Variants in EARS2 observed in about 807,000 individuals in gnomAD.
The protein encoded by EARS2 is nondiscriminating glutamyl-tRNA synthetase EARS2, mitochondrial.
In EARS2, 50 loss-of-function variants were observed where a neutral mutation model predicts 54.1. That is an observed-to-expected ratio of 0.92 (90% CI 0.74 to 1.17). The LOEUF (loss-of-function observed/expected upper bound fraction) is 1.17, where lower values mean the gene tolerates loss of function less well. Ranked by LOEUF, EARS2 falls within the 50% of genes most tolerant of loss-of-function variation. The probability of loss-of-function intolerance (pLI) is 0.00; values close to 1 mark genes in which losing one functional copy is unlikely to be tolerated. For missense variants in EARS2, 673 were observed against 675.0 expected (o/e 1.00, Z 0.03); for synonymous variants, 298 against 281.0 (o/e 1.06, Z -0.61).
intron 2 of EARS2, among the ~76,000 whole-genome samples, chr16:23,548,065 C>T (rs1231751407): frequency 4.0e-5 from 6 of 151,734 alleles, no homozygotes; most frequent in Non-Finnish European, 8.8e-5. Context: ...CCCGTCTCTA[C>T]TAAAAATACA....
Position 23,522,878 on chromosome 16 carries a change from G to GGACC in EARS2, c.*1489_*1492dup, listed in dbSNP as rs1567375832. On this transcript the variant is annotated 3_prime_UTR_variant, in exon 9 of 9. Coordinates refer to ENST00000449606, the MANE Select transcript of EARS2 (RefSeq NM_001083614.2). ...ATGTGAATGCTTGGCTGGAATTGAAGGACCAGCTTTCAAGATTGCACACTC... is the reference window on the plus strand; with the variant it reads ...ATGTGAATGCTTGGCTGGAATTGAAGGACCGACCAGCTTTCAAGATTGCACACTC... 6.6e-6 allele frequency: 1 copy of GGACC among 152,184 alleles called. No individual in the cohort carries two copies. The highest frequency in any genetic ancestry group is 1.5e-5 in the Non-Finnish European group (1 of 68,038). The allele number at this position is 152,184 out of a possible 1,614,324, so 9.4% of individuals were successfully genotyped here.
intron 1 of EARS2, 108 bp from the exon 2 acceptor site, chr16:23,552,412 C>T: frequency 7.9e-7 from 1 of 1,260,272 alleles, no homozygotes; most frequent in Non-Finnish European, 1.1e-6. Context: ...TTTAAAAGAC[C>T]AGCAGGACAC....
chr16:23,550,800 C>G (rs1329563431), intron 2 of EARS2: 1 of 152,140 alleles, frequency 6.6e-6, no homozygotes, highest in African/African-American at 2.4e-5. Context: ...TTAGAACACA[C>G]ATCTCAAAAT....
intron 3 of EARS2, among the ~76,000 whole-genome samples, chr16:23,541,663 A>G (rs1160227213): frequency 6.6e-6 from 1 of 151,756 alleles, no homozygotes; most frequent in Non-Finnish European, 1.5e-5. Context: ...TCAAGATTGG[A>G]AGAGAGTTCT....
chr16:23,529,689 G>A (rs1965290951), intron 6 of EARS2, 55 bp downstream of exon 6: 1 of 1,612,826 alleles, frequency 6.2e-7, no homozygotes, highest in East Asian at 2.2e-5. Context: ...AAGGCAGGAG[G>A]AATTGAGGCA....
chr16:23,555,525 T>C (rs1367156687), intron 1 of EARS2, among the ~76,000 whole-genome samples: 2 of 152,064 alleles, frequency 1.3e-5, no homozygotes, highest in Non-Finnish European at 2.9e-5. Context: ...ATCTAGTAAG[T>C]TACACATCTA....
chr16:23,550,460 C>T (rs1484085288), intron 2 of EARS2, among the ~76,000 whole-genome samples: 3 of 93,448 alleles, frequency 3.2e-5, no homozygotes, highest in Non-Finnish European at 3.9e-5. Context: ...TTTTTTGAGA[C>T]AGAGTCTCAC....
At chr16:23,533,415 T>C (rs761148511) in intron 4 of EARS2, among the ~76,000 whole-genome samples, 15 of 152,122 alleles carry the variant, frequency 9.9e-5, no homozygotes, top group Non-Finnish European at 2.2e-4. Flanking sequence ...GTGCTGGGAT[T>C]ACAGACATGA....
chr16:23,550,092 G>A lies in EARS2; in HGVS notation c.295+2057C>T, dbSNP rs1218889628. ...AATGAATTAGGAGCCAGGAGCGATG[G>A]TTCATGACCGTGATGCCAGCACTTT... is the stretch of plus-strand genomic sequence containing the variant. On this transcript the variant is annotated intron_variant, in intron 2 of 8. Coordinates refer to ENST00000449606, the MANE Select transcript of EARS2 (RefSeq NM_001083614.2). Among the ~76,000 whole-genome samples the A allele has an allele frequency of 3.9e-5, 6 of 152,268 alleles. No individual in the cohort carries two copies. The East Asian group carries it at 1.2e-3, about 29-fold the overall frequency.
chr16:23,555,132 A>G (rs766566207), intron 1 of EARS2, among the ~76,000 whole-genome samples: 2 of 152,170 alleles, frequency 1.3e-5, no homozygotes, highest in Non-Finnish European at 2.9e-5. Flanking sequence ...CATAAGACAG[A>G]TATTATTATT....
In EARS2 at chr16:23,529,914, G is replaced by C; in HGVS notation, c.1068-17C>G. The C allele has an allele frequency of 6.2e-7, 1 of 1,613,316 alleles. No homozygotes were observed. Among genetic ancestry groups the C allele is most frequent in the Middle Eastern group, 1.7e-4 (1 of 6,004 alleles). On this transcript the variant is annotated splice_polypyrimidine_tract_variant and intron_variant, in intron 5 of 8. Coordinates refer to ENST00000449606, the MANE Select transcript of EARS2 (RefSeq NM_001083614.2). ...AGGTGCAGTCTGCGGAAGAAATCAA[G>C]GGGCTGCCCTGCTGTCAACACCCCA... is the stretch of plus-strand genomic sequence containing the variant.
intron 3 of EARS2, chr16:23,537,644 C>A (rs1965443148): frequency 6.6e-6 from 1 of 152,232 alleles, no homozygotes; most frequent in Non-Finnish European, 1.5e-5. Flanking sequence ...GCAATCATGG[C>A]TCACTGCAGT....
rs1021686238 is a variant in EARS2 at position 23,548,126 on chromosome 16, C to A, written c.296-3423G>T. On this transcript the variant is annotated intron_variant, in intron 2 of 8. Coordinates refer to ENST00000449606, the MANE Select transcript of EARS2 (RefSeq NM_001083614.2). ...GCAGACACTTGTAGTTCCAGCTACT[C>A]GGGAGGCTGAGGCGGGAGAATGGCA... Among the ~76,000 whole-genome samples, 10 of 151,472 alleles carry A rather than the reference C, an allele frequency of 6.6e-5. No homozygotes were observed. The South Asian group carries it at 2.1e-3, about 32-fold the overall frequency.
chr16:23,534,446 A>G (rs955071296), intron 4 of EARS2, among the ~76,000 whole-genome samples: 2 of 152,240 alleles, frequency 1.3e-5, no homozygotes, highest in African/African-American at 4.8e-5. Context: ...GAAGAAGGAA[A>G]AAAAGAAACT....
intron 1 of EARS2, chr16:23,553,121 A>G: frequency 3.9e-6 from 1 of 254,764 alleles, no homozygotes; most frequent in Admixed American, 4.9e-5. Flanking sequence ...GTAGAGTGAG[A>G]CTCTGTCTCA....
At chr16:23,541,988 A>G (rs1567385719) in intron 3 of EARS2, among the ~76,000 whole-genome samples, 3 of 151,990 alleles carry the variant, frequency 2.0e-5, no homozygotes, top group South Asian at 4.2e-4. Flanking sequence ...CCTCCCAAGT[A>G]GCTGGGATTA....
chr16:23,529,372 A>G lies in EARS2; in HGVS notation c.1352+130T>C, dbSNP rs1235807332. 3.3e-6 allele frequency: 4 copies of G among 1,230,384 alleles called. No individual in the cohort carries two copies. In the African/African-American group the frequency reaches 6.1e-5, roughly 19 times the overall value. The allele number at this position is 1,230,384 out of a possible 1,614,324, so 76.2% of individuals were successfully genotyped here. A position where few individuals can be genotyped will look rare whatever the true frequency, so the allele number is the denominator to read the frequency against. ...CCTCCTCACCAGCGAAAGCCAGTGA[A>G]GGGTCACTTCTTCACTGGCCATGGA... On this transcript the variant is annotated intron_variant, in intron 7 of 8. Coordinates refer to ENST00000449606, the MANE Select transcript of EARS2 (RefSeq NM_001083614.2).
chr16:23,538,304 T>C (rs1231495819), intron 3 of EARS2, among the ~76,000 whole-genome samples: 2 of 152,122 alleles, frequency 1.3e-5, no homozygotes, highest in East Asian at 3.9e-4. Flanking sequence ...CACGCCACCA[T>C]GCCCAGCTAA....
At position 23,525,045 on chromosome 16, in the gene EARS2, T is replaced by C. The variant is rs6497670; in HGVS notation, c.1488+199A>G. 560,458 of 671,464 alleles carry C rather than the reference T, an allele frequency of 0.83. 234,792 individuals carry two copies. The highest frequency in any genetic ancestry group is 0.89 in the Middle Eastern group (2,972 of 3,340). 41.6% of individuals were successfully genotyped at this position (671,464 alleles called of 1,614,324 possible). On this transcript the variant is annotated intron_variant, in intron 8 of 8. Transcript: ENST00000449606. ...TTATGTATGTGTGTTTAATTCTATATTGTATTCACTGTACCTAACACAATG... is the reference window on the plus strand; with the variant it reads ...TTATGTATGTGTGTTTAATTCTATACTGTATTCACTGTACCTAACACAATG...
Sources: allele counts gnomAD v4.1 joint callset (sites outside exome capture counted in the v4.1 genomes callset), GRCh38; gene constraint gnomAD v4.1.1; transcripts MANE v1.5; gene names NCBI Gene and HGNC (gene_info 2026-07-23, HGNC 2026-07-21).